PUDP: variants seen among roughly 807,000 people sequenced by gnomAD.
PUDP encodes the protein pseudouridine 5'-phosphatase, also known as pseudouridine-5'-phosphatase.
A neutral mutation model predicts 9.4 loss-of-function variants in PUDP; 8 were observed. The ratio of observed to expected loss-of-function variants is 0.85; its 90% confidence interval spans 0.50 to 1.53. The LOEUF (loss-of-function observed/expected upper bound fraction) is 1.53, where lower values mean the gene tolerates loss of function less well. Among genes scored for constraint, PUDP ranks in the 40% most tolerant of loss-of-function variants. The probability of loss-of-function intolerance (pLI) is 0.00; values close to 1 mark genes in which losing one functional copy is unlikely to be tolerated. For missense variants in PUDP, 188 were observed against 189.7 expected, an observed-to-expected ratio of 0.99 and a Z score of 0.05; for synonymous variants, 99 against 80.7, an observed-to-expected ratio of 1.23 and a Z score of -1.22.
chrX:7,056,696 T>C (rs1427592613), intron 3 of PUDP, among the ~76,000 whole-genome samples: 1 of 111,098 alleles, frequency 9.0e-6, no homozygotes, highest in African/African-American at 3.3e-5. Context: ...GAACGTCTGC[T>C]AAATTAGTGA....
intron 3 of PUDP, among the ~76,000 whole-genome samples, chrX:6,945,004 G>A (rs761617773): frequency 2.7e-5 from 3 of 111,861 alleles, no homozygotes; most frequent in East Asian, 2.8e-4. Flanking sequence ...AGGTAAAACC[G>A]ACGTATGGCC....
At chrX:6,815,155 T>C (rs1239387232) in intron 3 of PUDP, among the ~76,000 whole-genome samples, 1 of 102,884 alleles carries the variant, frequency 9.7e-6, no homozygotes, top group African/African-American at 3.6e-5. Flanking sequence ...GGTACCTAAA[T>C]GATAACTTAT....
intron 3 of PUDP, among the ~76,000 whole-genome samples, chrX:6,895,875 A>G (rs1252725946): frequency 9.0e-6 from 1 of 110,517 alleles, no homozygotes; most frequent in Non-Finnish European, 1.9e-5. Flanking sequence ...TAGTTCATAG[A>G]CGGCGCCTTC....
intron 2 of PUDP, among the ~76,000 whole-genome samples, chrX:7,077,834 T>G (rs747982101): frequency 2.7e-5 from 3 of 112,348 alleles, no homozygotes; most frequent in African/African-American, 9.7e-5. Flanking sequence ...CAGCAGGGCC[T>G]CGCTGAACCA....
chrX:6,827,463 G>T (rs1453143791), intron 3 of PUDP, among the ~76,000 whole-genome samples: 1 of 111,458 alleles, frequency 9.0e-6, no homozygotes, highest in Non-Finnish European at 1.9e-5. Context: ...AAATGGAGAG[G>T]ATGAATAAAG....
At chrX:6,781,886 C>A (rs1181669602) in intron 3 of PUDP, among the ~76,000 whole-genome samples, 1 of 112,280 alleles carries the variant, frequency 8.9e-6, no homozygotes, top group Non-Finnish European at 1.9e-5. Context: ...GGCTGAGAAA[C>A]TCTGTTCTTT....
At chrX:7,111,991 T>TAAA (rs5901334) in intron 1 of PUDP, among the ~76,000 whole-genome samples, 1 of 98,197 alleles carries the variant, frequency 1.0e-5, no homozygotes, top group Non-Finnish European at 2.1e-5. Context: ...ATATTTTGCT[T>TAAA]AAAAAAAAAA....
At chrX:6,888,575 G>A (rs778730578) in intron 3 of PUDP, among the ~76,000 whole-genome samples, 32 of 110,845 alleles carry the variant, frequency 2.9e-4, no homozygotes, top group African/African-American at 9.8e-4. Flanking sequence ...ACTTGAACCC[G>A]GAAGGTGGAG....
intron 3 of PUDP, among the ~76,000 whole-genome samples, chrX:7,056,453 T>C (rs912957270): frequency 8.9e-6 from 1 of 112,184 alleles, no homozygotes; most frequent in Non-Finnish European, 1.9e-5. Context: ...TGTCAGGACA[T>C]GCACATGGAT....
At chrX:7,032,748 G>A (rs1166729131) in intron 1 of PUDP, among the ~76,000 whole-genome samples, 2 of 111,512 alleles carry the variant, frequency 1.8e-5, no homozygotes, top group Non-Finnish European at 3.8e-5. Context: ...CTGGAGTGAT[G>A]GAAATATTCT....
intron 3 of PUDP, among the ~76,000 whole-genome samples, chrX:6,949,933 C>T (rs1017727088): frequency 3.6e-5 from 4 of 111,546 alleles, no homozygotes; most frequent in African/African-American, 1.3e-4. Flanking sequence ...GGATGTGATT[C>T]CTTGTAGGCT....
At chrX:7,064,520 T>C (rs983752462) in intron 3 of PUDP, among the ~76,000 whole-genome samples, 4 of 111,304 alleles carry the variant, frequency 3.6e-5, no homozygotes, top group African/African-American at 1.3e-4. Flanking sequence ...TCCTCGCTCC[T>C]ATTTAGGAAT....
chrX:6,754,530 C>T (rs896726822), intron 3 of PUDP, among the ~76,000 whole-genome samples: 4 of 109,484 alleles, frequency 3.7e-5, no homozygotes, highest in Admixed American at 9.9e-5. Context: ...ATATGTCATA[C>T]ATTATAAATT....
rs1246085972 is a variant in PUDP, at chrX:6,810,007, G to A, written c.*248-103541C>T. The stretch of plus-strand genomic sequence containing the variant: ...AGGTGGGAAGATCACTGGAGCCCAG[G>A]AGTTCCAGGCTACAGTGAGTCGTGG... On this transcript the variant is annotated intron_variant and NMD_transcript_variant, in intron 3 of 3. Transcript: ENST00000655425. Among the ~76,000 whole-genome samples the A allele has an allele frequency of 5.4e-5, 6 of 110,340 alleles. No homozygotes were observed. The Admixed American group carries it at 5.8e-4, about 11-fold the overall frequency.
intron 3 of PUDP, among the ~76,000 whole-genome samples, chrX:6,884,701 C>G (rs1341710833): frequency 2.7e-5 from 3 of 112,292 alleles, no homozygotes; most frequent in Non-Finnish European, 5.6e-5. Flanking sequence ...CGTGGGCATT[C>G]CAATGCTAAA....
chrX:6,927,068 T>C (rs1464012970), intron 3 of PUDP, among the ~76,000 whole-genome samples: 1 of 108,908 alleles, frequency 9.2e-6, no homozygotes. Flanking sequence ...GCTGGAACTA[T>C]GGGTGTGTGC....
chrX:6,883,199 G>A (rs1449566377), intron 3 of PUDP, among the ~76,000 whole-genome samples: 1 of 111,462 alleles, frequency 9.0e-6, no homozygotes, highest in African/African-American at 3.3e-5. Context: ...TTTCATAGGA[G>A]TGCCTATTTA....
intron 3 of PUDP, among the ~76,000 whole-genome samples, chrX:6,775,841 C>T (rs1925449381): frequency 1.8e-5 from 2 of 111,588 alleles, no homozygotes; most frequent in South Asian, 3.8e-4. Flanking sequence ...AACCAGGAAG[C>T]GGGTTCTCAC....
chrX:6,784,794 G>A (rs779800251), intron 3 of PUDP, among the ~76,000 whole-genome samples: 1 of 111,951 alleles, frequency 8.9e-6, no homozygotes, highest in Non-Finnish European at 1.9e-5. Flanking sequence ...ATTAATCTTC[G>A]CAAGCTGCAG....
Sources: allele counts gnomAD v4.1 joint callset (sites outside exome capture counted in the v4.1 genomes callset), GRCh38; gene constraint gnomAD v4.1.1; transcripts MANE v1.5; gene names NCBI Gene and HGNC (gene_info 2026-07-23, HGNC 2026-07-21).